Variants in ZNF804A observed in about 807,000 individuals in gnomAD.
ZNF804A encodes zinc finger protein 804A.
ZNF804A carries 2 observed loss-of-function variants against 16.5 expected under a neutral mutation model. The observed-to-expected ratio is 0.12, with a 90% CI of 0.05 to 0.38. The LOEUF is 0.38. ZNF804A is among the 10% of genes least tolerant of loss of function. ZNF804A has a pLI of 0.99. For synonymous variants in ZNF804A, 534 were observed against 489.6 expected (o/e 1.09, Z -1.20); for missense variants, 1,473 against 1,390.7 (o/e 1.06, Z -0.94).
chr2:184,918,357 A>C (rs1387096830), intron 2 of ZNF804A, among the ~76,000 whole-genome samples: 1 of 152,194 alleles, frequency 6.6e-6, no homozygotes, highest in Non-Finnish European at 1.5e-5. Context: ...CTTCTAGACC[A>C]ACAGAACATA....
chr2:184,850,638 A>G (rs1264130974), intron 1 of ZNF804A, among the ~76,000 whole-genome samples: 2 of 151,602 alleles, frequency 1.3e-5, no homozygotes, highest in African/African-American at 2.4e-5. Context: ...AATGAAATTT[A>G]CACTACATAT....
chr2:184,677,889 T>C (rs973366768), intron 1 of ZNF804A, among the ~76,000 whole-genome samples: 1 of 151,982 alleles, frequency 6.6e-6, no homozygotes, highest in South Asian at 2.1e-4. Context: ...CACCACAGGC[T>C]TGCATGAGTT....
At chr2:184,806,436 G>T (rs958917938) in intron 1 of ZNF804A, among the ~76,000 whole-genome samples, 16 of 151,668 alleles carry the variant, frequency 1.1e-4, no homozygotes, top group African/African-American at 3.4e-4. Flanking sequence ...TTAAAAAACT[G>T]ATTTCTTAAT....
At chr2:184,691,113 G>A (rs973229535) in intron 1 of ZNF804A, among the ~76,000 whole-genome samples, 1 of 151,898 alleles carries the variant, frequency 6.6e-6, no homozygotes, top group Non-Finnish European at 1.5e-5. Flanking sequence ...CAACACTTTT[G>A]TGTTGGGGCT....
chr2:184,871,098 T>C (rs1574250030), intron 2 of ZNF804A, among the ~76,000 whole-genome samples: 1 of 151,174 alleles, frequency 6.6e-6, no homozygotes, highest in East Asian at 1.9e-4. Context: ...ACTCTTCTAC[T>C]ACAAAATAAA....
At chr2:184,881,551 C>G (rs1047710076) in intron 2 of ZNF804A, among the ~76,000 whole-genome samples, 3 of 151,982 alleles carry the variant, frequency 2.0e-5, no homozygotes, top group Non-Finnish European at 4.4e-5. Flanking sequence ...AATGGAAGCC[C>G]CATTAGGCTA....
intron 1 of ZNF804A, among the ~76,000 whole-genome samples, chr2:184,800,104 AAGTGATGTGATTACT>A (rs1694701162): frequency 6.6e-6 from 1 of 152,094 alleles, no homozygotes; most frequent in Admixed American, 6.5e-5. Flanking sequence ...ATCTTGTTAA[AAGTGATGTGATTACT>A]AGTGATGACC....
At chr2:184,737,508 T>C (rs1212653085) in intron 1 of ZNF804A, among the ~76,000 whole-genome samples, 2 of 152,324 alleles carry the variant, frequency 1.3e-5, no homozygotes, top group East Asian at 3.9e-4. Flanking sequence ...GTGTAAAACC[T>C]TATACTTGGT....
At chr2:184,778,654 G>C (rs1431686651) in intron 1 of ZNF804A, among the ~76,000 whole-genome samples, 1 of 151,628 alleles carries the variant, frequency 6.6e-6, no homozygotes, top group Non-Finnish European at 1.5e-5. Flanking sequence ...GAAATTTTAA[G>C]GTATAACCCT....
At chr2:184,690,925 G>GA (rs1288793944) in intron 1 of ZNF804A, among the ~76,000 whole-genome samples, 3 of 151,072 alleles carry the variant, frequency 2.0e-5, no homozygotes, top group Admixed American at 6.6e-5. Flanking sequence ...AAAATATCTG[G>GA]AAAAAAAATA....
At chr2:184,919,750 CA>C (rs1685501298) in intron 2 of ZNF804A, among the ~76,000 whole-genome samples, 1 of 152,084 alleles carries the variant, frequency 6.6e-6, no homozygotes, top group Non-Finnish European at 1.5e-5. Context: ...CAATGAACAA[CA>C]AAATTCACTA....
At chr2:184,641,316 A>C (rs962427281) in intron 1 of ZNF804A, among the ~76,000 whole-genome samples, 1 of 152,198 alleles carries the variant, frequency 6.6e-6, no homozygotes, top group African/African-American at 2.4e-5. Context: ...AGCAGCAGGC[A>C]TGGATCCCAA....
intron 1 of ZNF804A, among the ~76,000 whole-genome samples, chr2:184,703,980 T>A (rs564502308): frequency 6.6e-6 from 1 of 152,068 alleles, no homozygotes; most frequent in African/African-American, 2.4e-5. Flanking sequence ...ATAAACTACT[T>A]TGTTTTATTT....
intron 1 of ZNF804A, among the ~76,000 whole-genome samples, chr2:184,771,699 T>A (rs2105768896): frequency 6.6e-6 from 1 of 152,184 alleles, no homozygotes; most frequent in East Asian, 1.9e-4. Context: ...ATTCACTACC[T>A]TATTGTTAGA....
At chr2:184,878,117 T>C (rs1259704479) in intron 2 of ZNF804A, among the ~76,000 whole-genome samples, 1 of 152,150 alleles carries the variant, frequency 6.6e-6, no homozygotes, top group African/African-American at 2.4e-5. Context: ...GTTTGTTGGT[T>C]GGCCTTCCCA....
chr2:184,679,172 A>G (rs1235736305), intron 1 of ZNF804A, among the ~76,000 whole-genome samples: 2 of 152,230 alleles, frequency 1.3e-5, no homozygotes, highest in African/African-American at 4.8e-5. Flanking sequence ...CAAAAAATAA[A>G]TTAGGTGAAA....
chr2:184,839,240 G>A (rs565548025), intron 1 of ZNF804A, among the ~76,000 whole-genome samples: 18 of 151,958 alleles, frequency 1.2e-4, no homozygotes, highest in Non-Finnish European at 1.6e-4. Flanking sequence ...AACAAATGAT[G>A]TCATGCTACA....
In ZNF804A at chr2:184,698,264, A is replaced by G. The variant is rs182868107; in HGVS notation, c.111+99194A>G. 2.6e-5 allele frequency among the ~76,000 whole-genome samples: 4 copies of G among 152,226 alleles called. No individual in the cohort carries two copies. The East Asian group carries it at 7.7e-4, about 29-fold the overall frequency. On this transcript the variant is annotated intron_variant, in intron 1 of 3. Transcript: ENST00000302277. ...ACATAAAGGGTTCAACCATTATAAA[A>G]GGTTGATAGTCTTAAAGTTTTTAAG...
intron 1 of ZNF804A, among the ~76,000 whole-genome samples, chr2:184,775,523 G>A (rs1025118282): frequency 2.6e-5 from 4 of 151,586 alleles, no homozygotes; most frequent in African/African-American, 9.7e-5. Flanking sequence ...AGAAAACAGC[G>A]CTATCTTACA....
Sources: gnomAD v4.1 joint callset for allele counts (sites outside exome capture counted in the v4.1 genomes callset) on GRCh38, gnomAD v4.1.1 for gene constraint, MANE v1.5 for transcripts, NCBI Gene and HGNC (gene_info 2026-07-23, HGNC 2026-07-21) for gene names.